The following GABRB3 variants were observed in gnomAD, a reference collection of about 807,000 sequenced individuals.
The protein encoded by GABRB3 is gamma-aminobutyric acid type A receptor subunit beta3, also known as gamma-aminobutyric acid receptor subunit beta-3.
GABRB3 carries 14 observed loss-of-function variants against 52.1 expected under a neutral mutation model. The observed-to-expected ratio is 0.27, with a 90% confidence interval of 0.18 to 0.42. The LOEUF (loss-of-function observed/expected upper bound fraction) is 0.42, where lower values mean the gene tolerates loss of function less well. Among genes scored for constraint, GABRB3 ranks in the 10% least tolerant of loss-of-function variants. The probability of loss-of-function intolerance (pLI) is 1.00; values close to 1 mark genes in which losing one functional copy is unlikely to be tolerated. For missense variants in GABRB3, 307 were observed against 609.1 expected (o/e 0.50, Z 5.22); for synonymous variants, 260 against 232.3 (o/e 1.12, Z -1.08).
chr15:26,622,704 G>A (rs1352195456), intron 3 of GABRB3, among the ~76,000 whole-genome samples: 4 of 152,114 alleles, frequency 2.6e-5, no homozygotes, highest in Non-Finnish European at 5.9e-5. Flanking sequence ...GGCAATTCAC[G>A]GTGTTGCTAA....
chr15:26,623,180 T>C (rs1214855043), intron 3 of GABRB3, among the ~76,000 whole-genome samples: 2 of 152,158 alleles, frequency 1.3e-5, no homozygotes, highest in Non-Finnish European at 2.9e-5. Flanking sequence ...CTTAAGGGTC[T>C]GATGGAAAAG....
At chr15:26,565,683 A>C (rs1040893668) in intron 7 of GABRB3, among the ~76,000 whole-genome samples, 7 of 152,192 alleles carry the variant, frequency 4.6e-5, no homozygotes, top group African/African-American at 1.7e-4. Flanking sequence ...AATACTTTAC[A>C]ATTAGGGAGG....
intron 3 of GABRB3, among the ~76,000 whole-genome samples, chr15:26,687,358 C>T (rs1888438419): frequency 6.6e-6 from 1 of 152,208 alleles, no homozygotes; most frequent in African/African-American, 2.4e-5. Flanking sequence ...CATATGTTCA[C>T]TCATATAAGT....
At chr15:26,554,037 T>TATATAGATATATATATATATATATATA (rs59100810) in intron 8 of GABRB3, among the ~76,000 whole-genome samples, 4 of 58,486 alleles carry the variant, frequency 6.8e-5, no homozygotes, top group Non-Finnish European at 1.3e-4. Context: ...ATATATATAT[T>TATATAGATATATATATATATATATATA]TATTTATTTA....
chr15:26,675,717 T>C lies in GABRB3; in HGVS notation c.241-54183A>G, dbSNP rs76073792. ...TTGGAGGTGGGGGGAGGTCAGTCAA[T>C]AGCAAAATTACTAGGAGGTAACATC... On this transcript the variant is annotated intron_variant, in intron 3 of 8. Coordinates refer to ENST00000311550, the MANE Select transcript of GABRB3 (RefSeq NM_000814.6). 1.7e-4 allele frequency among the ~76,000 whole-genome samples: 26 copies of C among 152,102 alleles called. No homozygotes were observed. In the East Asian group the frequency reaches 5.0e-3, roughly 30 times the overall value.
chr15:26,624,525 T>G (rs953079096), intron 3 of GABRB3: 1 of 985,410 alleles, frequency 1.0e-6, no homozygotes. Flanking sequence ...CAGCTCGGGC[T>G]CCGCGTCTTA....
intron 5 of GABRB3, among the ~76,000 whole-genome samples, chr15:26,582,805 G>A (rs1397483446): frequency 6.6e-6 from 1 of 152,214 alleles, no homozygotes; most frequent in Non-Finnish European, 1.5e-5. Flanking sequence ...TATGCCAGGA[G>A]GTGTAGTTTA....
At chr15:26,706,437 G>T (rs373196076) in intron 3 of GABRB3, among the ~76,000 whole-genome samples, 9 of 148,996 alleles carry the variant, frequency 6.0e-5, no homozygotes, top group African/African-American at 2.2e-4. Flanking sequence ...CAAATTGAGG[G>T]GTTTTTTTTT....
chr15:26,666,714 G>C (rs1887724174), intron 3 of GABRB3: 1 of 152,300 alleles, frequency 6.6e-6, no homozygotes, highest in East Asian at 1.9e-4. Context: ...CGGGAATGGA[G>C]GCCTGGGGCG....
chr15:26,688,044 A>C (rs971762844), intron 3 of GABRB3, among the ~76,000 whole-genome samples: 1 of 152,230 alleles, frequency 6.6e-6, no homozygotes, highest in African/African-American at 2.4e-5. Context: ...AAGTGTAAGA[A>C]ACTAAAATTA....
chr15:26,621,118 G>GA lies in GABRB3; in HGVS notation c.461+195_461+196insT, dbSNP rs112294385. ...AAAGGTGGCTGTTTTTCAACTGCTT[G>GA]TGACTATTTACAGTAACAGTAATGC... On this transcript the variant is annotated intron_variant, in intron 4 of 8. Transcript: ENST00000311550. The surrounding 1 kb of genome is among the most constrained non-coding windows in gnomAD (Gnocchi z 4.1). 0.36 allele frequency among the ~76,000 whole-genome samples: 54,966 copies of GA among 151,862 alleles called. 10,640 individuals carry two copies. Among genetic ancestry groups the GA allele is most frequent in the Middle Eastern group, 0.47 (138 of 294 alleles).
chr15:26,665,399 C>T (rs1160749196), intron 3 of GABRB3, among the ~76,000 whole-genome samples: 3 of 152,156 alleles, frequency 2.0e-5, no homozygotes, highest in Non-Finnish European at 4.4e-5. Context: ...GCAGAGATTA[C>T]CAAACTGTTA....
chr15:26,624,765 T>C, intron 3 of GABRB3: 2 of 985,442 alleles, frequency 2.0e-6, no homozygotes, highest in Admixed American at 6.1e-5. Flanking sequence ...GGATACTTAC[T>C]AGCTGGCAAC....
intron 8 of GABRB3, 103 bp downstream of exon 8, chr15:26,560,829 T>C: frequency 6.6e-7 from 1 of 1,517,776 alleles, no homozygotes; most frequent in African/African-American, 1.4e-5. Flanking sequence ...GTGTGTGGCT[T>C]GACATACACT....
At chr15:26,634,564 T>C (rs1040196541) in intron 3 of GABRB3, among the ~76,000 whole-genome samples, 2 of 151,918 alleles carry the variant, frequency 1.3e-5, no homozygotes, top group Non-Finnish European at 2.9e-5. Context: ...GACTCACAAA[T>C]TGCATCCCAG....
At chr15:26,603,131 G>C (rs1891649075) in intron 4 of GABRB3, among the ~76,000 whole-genome samples, 1 of 151,968 alleles carries the variant, frequency 6.6e-6, no homozygotes, top group Non-Finnish European at 1.5e-5. Context: ...GCTACTATAA[G>C]CAACTATTTA....
At chr15:26,629,020 C>T in intron 3 of GABRB3, 1 of 1,536,170 alleles carries the variant, frequency 6.5e-7, no homozygotes, top group Non-Finnish European at 8.7e-7. Flanking sequence ...ACGAGGGAGT[C>T]TCCCGGTATC....
At chr15:26,736,995 C>A (rs1338044333) in intron 3 of GABRB3, among the ~76,000 whole-genome samples, 1 of 152,214 alleles carries the variant, frequency 6.6e-6, no homozygotes, top group Non-Finnish European at 1.5e-5. Context: ...TTGGGTTTAA[C>A]GTCCTTGATT....
Position 26,603,271 on chromosome 15 carries a change from C to T in GABRB3, c.461+18043G>A, listed in dbSNP as rs189172245. ...CAAGATTGAAGTCACAATAAAAAGT[C>T]TCTCAGTAAAGAAAAGCCTGGGACC... On this transcript the variant is annotated intron_variant, in intron 4 of 8. Transcript: ENST00000311550. 7.3e-4 allele frequency among the ~76,000 whole-genome samples: 111 copies of T among 152,038 alleles called. 1 individual carries two copies. In the East Asian group the frequency reaches 0.015, roughly 20 times the overall value.
Sources: allele counts gnomAD v4.1 joint callset (sites outside exome capture counted in the v4.1 genomes callset), GRCh38; gene constraint gnomAD v4.1.1; non-coding constraint Gnocchi (gnomAD v3.1); transcripts MANE v1.5; gene names NCBI Gene and HGNC (gene_info 2026-07-23, HGNC 2026-07-21).